RDH12: variants seen among roughly 807,000 people sequenced by gnomAD.
RDH12 encodes the protein all-trans and 9-cis retinol dehydrogenase.
A neutral mutation model predicts 34.0 loss-of-function variants in RDH12; 21 were observed. That is an observed-to-expected ratio of 0.62 (90% CI 0.44 to 0.89). The LOEUF is 0.89. RDH12 is among the 40% of genes least tolerant of loss of function. RDH12 has a pLI of 0.00. For missense variants in RDH12, 394 were observed against 398.6 expected (o/e 0.99, Z 0.10); for synonymous variants, 198 against 169.9 (o/e 1.17, Z -1.29).
rs1260150669 is a variant in RDH12, at chr14:67,722,736, C to A, written c.68+26C>A. ...GTTTGTCTTAATTCAGCAACTCAAA[C>A]AATCGTTTACAAAGACCTGCACTGG... is the stretch of plus-strand genomic sequence containing the variant. On this transcript the variant is annotated intron_variant, in intron 3 of 8. Transcript: ENST00000551171. 5 of 1,582,968 alleles carry A rather than the reference C, an allele frequency of 3.2e-6. No homozygotes were observed. The South Asian group carries it at 4.4e-5, about 14-fold the overall frequency.
At position 67,727,014 on chromosome 14, in the gene RDH12, G is replaced by C. The variant is rs17852293; in HGVS notation, c.482G>C (p.Arg161Pro). 1 of 1,613,040 alleles carries C rather than the reference G, an allele frequency of 6.2e-7. No individual in the cohort carries two copies. Among genetic ancestry groups the C allele is most frequent in the East Asian group, 2.2e-5 (1 of 44,868 alleles). ...CTCCTCACCTACCTGCTCCTGGAGC[G>C]GCTAAAGGTGTCTGCCCCTGCACGG... is the stretch of plus-strand genomic sequence containing the variant. ...HFLLTYLLLE[R>P]LKVSAPARVV... Residue 161 changes from arginine (R) to proline (P), a missense_variant, in exon 7 of 9, where the codon CGG (arginine) becomes CCG (proline). Arg to Pro is a moderately radical substitution (Grantham distance 103). Transcript: ENST00000551171.
At position 67,733,925 on chromosome 14, in the gene RDH12, A is replaced by C; in HGVS notation, c.*77A>C. ...GGGACCAAGGAGAAGGCCAACCCTA[A>C]AGGATTGTCCTCTTGGCCAGCTGGT... is the stretch of plus-strand genomic sequence containing the variant. On this transcript the variant is annotated 3_prime_UTR_variant, in exon 9 of 9. Coordinates refer to ENST00000551171, the MANE Select transcript of RDH12 (RefSeq NM_152443.3). 9.2e-7 allele frequency: 1 copy of C among 1,085,924 alleles called. No homozygotes were observed. Among genetic ancestry groups the C allele is most frequent in the Non-Finnish European group, 1.4e-6 (1 of 712,678 alleles). 67.3% of individuals were successfully genotyped at this position (1,085,924 alleles called of 1,614,324 possible). A position where few individuals can be genotyped will look rare whatever the true frequency, so the allele number is the denominator to read the frequency against.
chr14:67,704,869 A>C (rs1471424897), intron 1 of RDH12, among the ~76,000 whole-genome samples: 1 of 152,220 alleles, frequency 6.6e-6, no homozygotes, highest in African/African-American at 2.4e-5. Context: ...CAACCAAGAC[A>C]GGAACTTCAT....
rs1031248571 is a variant in RDH12 at position 67,722,429 on chromosome 14, C to T, written c.-214C>T. On this transcript the variant is annotated 5_prime_UTR_variant, in exon 3 of 9. Transcript: ENST00000551171. ...CTCCATCCCCTCCCCACCAGGACTACATCTCCCAGCAGGCTGTGCTCTGAC... is the reference window on the plus strand; with the variant it reads ...CTCCATCCCCTCCCCACCAGGACTATATCTCCCAGCAGGCTGTGCTCTGAC... The T allele has an allele frequency of 1.6e-6, 1 of 628,324 alleles. No individual in the cohort carries two copies. 38.9% of individuals were successfully genotyped at this position (628,324 alleles called of 1,614,324 possible).
intron 2 of RDH12, among the ~76,000 whole-genome samples, 162 bp downstream of exon 2, chr14:67,721,064 AAC>A (rs1399177534): frequency 6.6e-6 from 1 of 152,232 alleles, no homozygotes; most frequent in Non-Finnish European, 1.5e-5. Flanking sequence ...GGTGCAGAGA[AAC>A]ACTCAGTAAA....
chr14:67,725,979 T>C lies in RDH12; in HGVS notation c.344-72T>C. The stretch of plus-strand genomic sequence containing the variant: ...ACTAATGAACAAAGGGAAAGGGCAA[T>C]TATGCAGGTCTGTTACAGGCAGCTA... On this transcript the variant is annotated intron_variant, in intron 5 of 8. Transcript: ENST00000551171. The C allele has an allele frequency of 7.0e-6, 7 of 995,714 alleles. 1 individual carries two copies. The South Asian group carries it at 7.6e-5, about 11-fold the overall frequency. The allele number at this position is 995,714 out of a possible 1,614,324, so 61.7% of individuals were successfully genotyped here.
chr14:67,718,053 GAAC>G (rs938785329), intron 1 of RDH12, among the ~76,000 whole-genome samples: 4 of 152,110 alleles, frequency 2.6e-5, no homozygotes, highest in Admixed American at 6.5e-5. Flanking sequence ...CAAGAAAAAG[GAAC>G]AACAAGTCAT....
At chr14:67,713,850 G>A (rs898310910) in intron 1 of RDH12, among the ~76,000 whole-genome samples, 4 of 152,072 alleles carry the variant, frequency 2.6e-5, no homozygotes, top group Non-Finnish European at 4.4e-5. Context: ...GGGACAACTC[G>A]AAGCAGGGAG....
In RDH12 at chr14:67,726,160, G is replaced by A; in HGVS notation, c.448+5G>A. On this transcript the variant is annotated splice_donor_5th_base_variant and intron_variant, in intron 6 of 8. Coordinates refer to ENST00000551171, the MANE Select transcript of RDH12 (RefSeq NM_152443.3). ...ACCTGGGAGTCAACCACCTGGGTAA[G>A]TATCTTTGGGTGACTAAAAAATGAG... The A allele has an allele frequency of 1.3e-6, 2 of 1,559,884 alleles. No individual in the cohort carries two copies. The highest frequency in any genetic ancestry group is 2.2e-5 in the East Asian group (1 of 44,640).
chr14:67,729,538 CTT>C, intron 8 of RDH12, 158 bp downstream of exon 8: 2 of 726,536 alleles, frequency 2.8e-6, no homozygotes, highest in African/African-American at 1.7e-5. Flanking sequence ...GTTAAGGAAA[CTT>C]ACAGTACAAA....
chr14:67,727,680 C>T (rs2038207452), intron 7 of RDH12: 1 of 205,624 alleles, frequency 4.9e-6, no homozygotes, highest in African/African-American at 2.4e-5. Flanking sequence ...CGAGCTTTCA[C>T]CATGTTGTCC....
chr14:67,723,057 G>A (rs374759451), intron 3 of RDH12, among the ~76,000 whole-genome samples: 29 of 152,306 alleles, frequency 1.9e-4, no homozygotes, highest in African/African-American at 6.0e-4. Flanking sequence ...TGAAGAACTC[G>A]GAGACTCTGT....
At chr14:67,711,229 A>G (rs1566840095) in intron 1 of RDH12, among the ~76,000 whole-genome samples, 1 of 152,214 alleles carries the variant, frequency 6.6e-6, no homozygotes, top group African/African-American at 2.4e-5. Context: ...TATTTATTAA[A>G]GATTACACAA....
chr14:67,731,302 C>T (rs2038271557), intron 8 of RDH12, among the ~76,000 whole-genome samples: 1 of 150,242 alleles, frequency 6.7e-6, no homozygotes, highest in Non-Finnish European at 1.5e-5. Context: ...GCAACCTCCA[C>T]CTCCTGGGTT....
chr14:67,723,290 T>C (rs567551925), intron 3 of RDH12, among the ~76,000 whole-genome samples: 1 of 152,312 alleles, frequency 6.6e-6, no homozygotes, highest in Non-Finnish European at 1.5e-5. Flanking sequence ...GTGGAGTGCA[T>C]TGGTGTAGTC....
At position 67,733,822 on chromosome 14, in the gene RDH12, G is replaced by A; in HGVS notation, c.925G>A (p.Glu309Lys). 1 of 1,612,988 alleles carries A rather than the reference G, an allele frequency of 6.2e-7. No homozygotes were observed. The highest frequency in any genetic ancestry group is 8.5e-7 in the Non-Finnish European group (1 of 1,179,278). The change falls in exon 9 of 9, where the codon GAG becomes AAG. Residue 309 changes from glutamate to lysine, a missense_variant. Glu to Lys is a moderately conservative substitution (Grantham distance 56). Coordinates refer to ENST00000551171, the MANE Select transcript of RDH12 (RefSeq NM_152443.3). ...TAERLWNVSC[E>K]LLGIRWE ...TGAGCGCCTATGGAATGTCAGCTGT[G>A]AGCTTCTAGGAATCCGGTGGGAGTA...
intron 2 of RDH12, among the ~76,000 whole-genome samples, 196 bp downstream of exon 2, chr14:67,721,098 T>C (rs1360101459): frequency 6.6e-6 from 1 of 152,198 alleles, no homozygotes; most frequent in Non-Finnish European, 1.5e-5. Context: ...GATGAACTGA[T>C]GAATGAGGAC....
intron 7 of RDH12, 83 bp downstream of exon 7, chr14:67,727,273 A>C: frequency 9.9e-7 from 1 of 1,005,030 alleles, no homozygotes; most frequent in Non-Finnish European, 1.5e-6. Context: ...TCAGGCTGTC[A>C]AACATGCACG....
At chr14:67,730,204 T>A (rs1414784678) in intron 8 of RDH12, among the ~76,000 whole-genome samples, 2 of 152,200 alleles carry the variant, frequency 1.3e-5, no homozygotes, top group Non-Finnish European at 2.9e-5. Context: ...CGCAAGATAA[T>A]TAAGAAACTT....
Sources: allele counts gnomAD v4.1 joint callset (sites outside exome capture counted in the v4.1 genomes callset), GRCh38; gene constraint gnomAD v4.1.1; transcripts MANE v1.5; gene names NCBI Gene and HGNC (gene_info 2026-07-23, HGNC 2026-07-21).